BCAT1: variants seen among roughly 807,000 people sequenced by gnomAD.
BCAT1 encodes the protein branched chain amino acid transaminase 1.
A neutral mutation model predicts 52.4 loss-of-function variants in BCAT1; 48 were observed. The observed-to-expected ratio is 0.92, with a 90% CI of 0.73 to 1.16. The LOEUF is 1.16. Among genes scored for constraint, BCAT1 ranks in the 50% most tolerant of loss-of-function variants. BCAT1 has a pLI of 0.00. For synonymous variants in BCAT1, 167 were observed against 161.3 expected (o/e 1.04, Z -0.27); for missense variants, 451 against 457.1 (o/e 0.99, Z 0.12).
chr12:24,839,867 C>G (rs780887123), intron 7 of BCAT1, among the ~76,000 whole-genome samples: 5 of 152,160 alleles, frequency 3.3e-5, no homozygotes, highest in Non-Finnish European at 7.4e-5. Flanking sequence ...ATCAAAGTTA[C>G]TTCAGAATTG....
intron 1 of BCAT1, among the ~76,000 whole-genome samples, chr12:24,933,285 A>G (rs1476901296): frequency 1.3e-5 from 2 of 151,890 alleles, no homozygotes; most frequent in Non-Finnish European, 2.9e-5. Context: ...TATTTTATTT[A>G]ATCCTCACAT....
chr12:24,888,944 A>T (rs1252613477), intron 3 of BCAT1, among the ~76,000 whole-genome samples: 1 of 152,224 alleles, frequency 6.6e-6, no homozygotes, highest in Non-Finnish European at 1.5e-5. Context: ...AGGAGCAGAC[A>T]AGATAGCTCC....
intron 1 of BCAT1, among the ~76,000 whole-genome samples, chr12:24,922,818 C>G (rs187620694): frequency 6.6e-6 from 1 of 150,610 alleles, no homozygotes; most frequent in African/African-American, 2.5e-5. Flanking sequence ...TGCAGTGAGC[C>G]GACATGGGGC....
chr12:24,824,148 C>G (rs1052458047), intron 10 of BCAT1, among the ~76,000 whole-genome samples: 2 of 152,146 alleles, frequency 1.3e-5, no homozygotes, highest in African/African-American at 2.4e-5. Flanking sequence ...TATACCAATT[C>G]AATAGAGTTC....
chr12:24,902,091 C>G (rs1943120838), intron 1 of BCAT1: 1 of 1,476,848 alleles, frequency 6.8e-7, no homozygotes, highest in South Asian at 1.3e-5. Flanking sequence ...CCCACCCTGC[C>G]GGGGTCGCGG....
intron 1 of BCAT1, chr12:24,902,647 G>A (rs559192341): frequency 3.2e-5 from 15 of 470,924 alleles, no homozygotes; most frequent in Non-Finnish European, 5.4e-5. Flanking sequence ...CCCTCAGAGC[G>A]AGTCCATAGC....
intron 3 of BCAT1, among the ~76,000 whole-genome samples, chr12:24,892,804 G>A (rs924967253): frequency 3.3e-5 from 5 of 152,194 alleles, no homozygotes; most frequent in South Asian, 2.1e-4. Flanking sequence ...AGTGAGCCAC[G>A]ATCGTGCCAC....
chr12:24,896,445 A>C (rs1024246227), intron 2 of BCAT1, among the ~76,000 whole-genome samples: 1 of 152,152 alleles, frequency 6.6e-6, no homozygotes, highest in Non-Finnish European at 1.5e-5. Flanking sequence ...GATGGCCCTC[A>C]AGCCTAAAAT....
chr12:24,949,322 C>A, upstream of BCAT1: 1 of 278,318 alleles, frequency 3.6e-6, no homozygotes, highest in Non-Finnish European at 6.8e-6. Context: ...CCCGAATCAG[C>A]CACTGTGGGT....
chr12:24,910,990 G>T (rs1292362815), intron 1 of BCAT1, among the ~76,000 whole-genome samples: 1 of 152,012 alleles, frequency 6.6e-6, no homozygotes, highest in East Asian at 1.9e-4. Flanking sequence ...TGTAAACCCA[G>T]CTACTCAGGA....
At chr12:24,944,133 G>C (rs916815566) in intron 1 of BCAT1, among the ~76,000 whole-genome samples, 1 of 152,094 alleles carries the variant, frequency 6.6e-6, no homozygotes, top group African/African-American at 2.4e-5. Context: ...AGCACTCACC[G>C]ACACTGAAAA....
At chr12:24,917,807 A>G (rs879439834) in intron 1 of BCAT1, among the ~76,000 whole-genome samples, 4 of 152,192 alleles carry the variant, frequency 2.6e-5, no homozygotes, top group Non-Finnish European at 4.4e-5. Flanking sequence ...GAGAGAGGGA[A>G]CTTCTCTGGG....
At chr12:24,839,506 A>G (rs564052347) in intron 7 of BCAT1, among the ~76,000 whole-genome samples, 2 of 152,364 alleles carry the variant, frequency 1.3e-5, no homozygotes, top group South Asian at 4.1e-4. Context: ...AATGGTGAAT[A>G]GCAAGCGTAT....
intron 6 of BCAT1, among the ~76,000 whole-genome samples, chr12:24,847,769 T>C (rs900520799): frequency 6.6e-6 from 1 of 152,216 alleles, no homozygotes; most frequent in Non-Finnish European, 1.5e-5. Context: ...GCTCAGTCTC[T>C]GCCCTAGATT....
chr12:24,836,823 A>AAG (rs1555102765), intron 7 of BCAT1, among the ~76,000 whole-genome samples: 1 of 114,364 alleles, frequency 8.7e-6, no homozygotes, highest in Non-Finnish European at 1.8e-5. Flanking sequence ...GGAAGGAAAG[A>AAG]AGGAAGGAAG....
At chr12:24,843,094 G>A (rs1312594891) in intron 6 of BCAT1, among the ~76,000 whole-genome samples, 3 of 152,078 alleles carry the variant, frequency 2.0e-5, no homozygotes, top group Non-Finnish European at 4.4e-5. Flanking sequence ...CAGGGATCGG[G>A]AATAAACTCT....
At chr12:24,859,391 C>CGGGT (rs1941785808) in intron 5 of BCAT1, among the ~76,000 whole-genome samples, 1 of 152,028 alleles carries the variant, frequency 6.6e-6, no homozygotes, top group African/African-American at 2.4e-5. Context: ...GAGGCTGAGG[C>CGGGT]GGGTGGATCA....
chr12:24,818,162 A>C (rs1939956429), intron 10 of BCAT1, 113 bp from the exon 11 acceptor site: 6 of 1,025,894 alleles, frequency 5.8e-6, no homozygotes, highest in Non-Finnish European at 9.0e-6. Context: ...TCTGCTTTGA[A>C]CAACATTTTC....
intron 1 of BCAT1, among the ~76,000 whole-genome samples, chr12:24,936,255 CGAA>C (rs1591890012): frequency 6.6e-6 from 1 of 152,130 alleles, no homozygotes; most frequent in East Asian, 1.9e-4. Context: ...TTTTTTCTGA[CGAA>C]GTCTCACGCT....
Sources: allele counts gnomAD v4.1 joint callset (sites outside exome capture counted in the v4.1 genomes callset), GRCh38; gene constraint gnomAD v4.1.1; transcripts MANE v1.5; gene names NCBI Gene and HGNC (gene_info 2026-07-23, HGNC 2026-07-21).